Variants in RBM15 observed in about 807,000 individuals in gnomAD.
RBM15 encodes RNA binding motif protein 15.
A neutral mutation model predicts 62.6 loss-of-function variants in RBM15; 8 were observed. The ratio of observed to expected loss-of-function variants is 0.13; its 90% CI spans 0.07 to 0.23. The LOEUF is 0.23. Among genes scored for constraint, RBM15 ranks in the 10% least tolerant of loss-of-function variants. The pLI is 1.00. For missense variants in RBM15, 1,144 were observed against 1,286.5 expected (o/e 0.89, Z 1.69); for synonymous variants, 606 against 505.7 (o/e 1.20, Z -2.66).
In RBM15 at chr1:110,339,984, G is replaced by A. The variant is rs1660756689; in HGVS notation, c.579G>A (p.Glu193=). 3 of 1,614,090 alleles carry A rather than the reference G, an allele frequency of 1.9e-6. No individual in the cohort carries two copies. In the South Asian group the frequency reaches 3.3e-5, roughly 18 times the overall value. The stretch of plus-strand genomic sequence containing the variant: ...CGGTGGAGGACGGCCTGTTTCATGA[G>A]TTCAAACGCTTCGGTGATGTAAGTG... ...DEAVEDGLFH[E]FKRFGDVSVK... Residue 193 remains glutamate (E), a synonymous_variant, in exon 1 of 3, where the codon GAG becomes GAA. Transcript: ENST00000369784.
In RBM15 at chr1:110,341,414, C is replaced by T; in HGVS notation, c.2009C>T (p.Ser670Phe). ...CCACGAAAACGTCACTGCGCTCCTT[C>T]TCCTGACCGCAGTCCAGAATTGAGC... ...DRPRKRHCAP[S>F]PDRSPELSSS... Residue 670 changes from serine (S) to phenylalanine (F), a missense_variant, in exon 1 of 3, where the codon TCT (serine) becomes TTT (phenylalanine). Physicochemically the swap from Ser to Phe is radical, Grantham distance 155. This residue lies in a region of RBM15 where 360 missense variants were observed against 342.9 expected (regional missense o/e 1.05). Transcript: ENST00000369784. The surrounding 1 kb of genome is among the most constrained non-coding windows in gnomAD (Gnocchi z 4.5). The T allele has an allele frequency of 6.2e-7, 1 of 1,614,136 alleles. No individual in the cohort carries two copies. The highest frequency in any genetic ancestry group is 8.5e-7 in the Non-Finnish European group (1 of 1,179,984).
intron 1 of RBM15, among the ~76,000 whole-genome samples, chr1:110,345,118 T>G (rs1484729327): frequency 1.3e-5 from 2 of 152,174 alleles, no homozygotes; most frequent in Non-Finnish European, 1.5e-5. Flanking sequence ...CTTTTGAGGA[T>G]TACATCTTAA....
chr1:110,342,690 A>T, intron 1 of RBM15: 1 of 171,980 alleles, frequency 5.8e-6, no homozygotes, highest in Non-Finnish European at 1.2e-5. Context: ...CCACCTAAAA[A>T]TGACTCGATT....
At position 110,340,764 on chromosome 1, in the gene RBM15, C is replaced by T; in HGVS notation, c.1359C>T (p.Pro453=). The T allele has an allele frequency of 1.2e-6, 2 of 1,614,144 alleles. No individual in the cohort carries two copies. Among genetic ancestry groups the T allele is most frequent in the Non-Finnish European group, 1.7e-6 (2 of 1,180,034 alleles). Reference sequence around the variant, plus strand: ...AAATTGGTTATGGTAAAGCTACACCCACCACCCGCCTCTGGGTGGGAGGCC... The same window carrying T: ...AAATTGGTTATGGTAAAGCTACACCTACCACCCGCCTCTGGGTGGGAGGCC... ...PIKIGYGKAT[P]TTRLWVGGLG... Residue 453 remains proline, a synonymous_variant, in exon 1 of 3, where the codon CCC becomes CCT. Coordinates refer to ENST00000369784, the MANE Select transcript of RBM15 (RefSeq NM_022768.5). This position sits in a 1 kb window ranked among gnomAD's most constrained non-coding sequence, Gnocchi z 5.8.
At position 110,342,282 on chromosome 1, in the gene RBM15, T is replaced by C; in HGVS notation, c.2863+14T>C. The C allele has an allele frequency of 6.5e-7, 1 of 1,540,760 alleles. No homozygotes were observed. Among genetic ancestry groups the C allele is most frequent in the Non-Finnish European group, 8.8e-7 (1 of 1,142,082 alleles). ...TCATTGTCCGTGGTGCGTCCTAAAG[T>C]CCATGTGTAACTTGTATTTACTACT... On this transcript the variant is annotated intron_variant, in intron 1 of 2. Transcript: ENST00000369784.
Position 110,340,617 on chromosome 1 carries a change from T to TA in RBM15, c.1213dup (p.Ile405AsnfsTer10), listed in dbSNP as rs1284951863. The TA allele has an allele frequency of 6.2e-7, 1 of 1,614,200 alleles. No homozygotes were observed. The highest frequency in any genetic ancestry group is 8.5e-7 in the Non-Finnish European group (1 of 1,180,016). On this transcript the variant is annotated frameshift_variant, in exon 1 of 3. Coordinates refer to ENST00000369784, the MANE Select transcript of RBM15 (RefSeq NM_022768.5). LOFTEE classifies it high-confidence loss of function. The surrounding 1 kb of genome is among the most constrained non-coding windows in gnomAD (Gnocchi z 5.8). ...GCTTTGGAGTCATCACAGAAGTAGA[T>TA]ATCAAGAGGCCTTCTCGCGGCCAGA...
chr1:110,343,986 G>A (rs940853156), intron 1 of RBM15, among the ~76,000 whole-genome samples: 2 of 152,150 alleles, frequency 1.3e-5, no homozygotes, highest in African/African-American at 4.8e-5. Context: ...AAGTTTGCAG[G>A]TTTTGTGGGG....
chr1:110,340,395 A>C lies in RBM15; in HGVS notation c.990A>C (p.Glu330Asp), dbSNP rs763275756. Reference sequence around the variant, plus strand: ...CATTGCCTCGAGACCTGGAGAGAGAAAGAGACTACCCGTTCTATGAGAGAG... The same window carrying C: ...CATTGCCTCGAGACCTGGAGAGAGACAGAGACTACCCGTTCTATGAGAGAG... ...PPPLPRDLERERDYPFYERVR... is the reference protein window; with the variant it reads ...PPPLPRDLERDRDYPFYERVR... The change falls in exon 1 of 3, where the codon GAA becomes GAC. Residue 330 changes from glutamate (E) to aspartate (D), a missense_variant. Coordinates refer to ENST00000369784, the MANE Select transcript of RBM15 (RefSeq NM_022768.5). This position sits in a 1 kb window ranked among gnomAD's most constrained non-coding sequence, Gnocchi z 5.8. 6.6e-5 allele frequency: 106 copies of C among 1,614,026 alleles called. No individual in the cohort carries two copies. The Middle Eastern group carries it at 9.9e-4, about 15-fold the overall frequency.
chr1:110,339,630 G>A lies in RBM15; in HGVS notation c.225G>A (p.Gly75=), dbSNP rs561084556. Residue 75 remains glycine (G), a synonymous_variant, in exon 1 of 3, where the codon GGG becomes GGA. Coordinates refer to ENST00000369784, the MANE Select transcript of RBM15 (RefSeq NM_022768.5). ...GCGGTGAGCGGAGCAAGAAGTTAGGGGGCTCTGGTGGCAGCAATGGGAGCA... is the reference window on the plus strand; with the variant it reads ...GCGGTGAGCGGAGCAAGAAGTTAGGAGGCTCTGGTGGCAGCAATGGGAGCA... ...TSRGERSKKL[G]GSGGSNGSSS... is the part of the protein sequence containing the mutation. 4 of 1,613,278 alleles carry A rather than the reference G, an allele frequency of 2.5e-6. No individual in the cohort carries two copies. In the South Asian group the frequency reaches 3.3e-5, roughly 13 times the overall value.
In RBM15 at chr1:110,341,724, G is replaced by A. The variant is rs187367667; in HGVS notation, c.2319G>A (p.Gly773=). ...LKSPSQKQDG[G]TAPVASASPK... ...CCCCGTCCCAGAAACAGGATGGGGGGACAGCCCCTGTGGCATCAGCCTCTC... is the reference window on the plus strand; with the variant it reads ...CCCCGTCCCAGAAACAGGATGGGGGAACAGCCCCTGTGGCATCAGCCTCTC... Residue 773 remains glycine (G), a synonymous_variant, in exon 1 of 3, where the codon GGG becomes GGA. Coordinates refer to ENST00000369784, the MANE Select transcript of RBM15 (RefSeq NM_022768.5). The surrounding 1 kb of genome is among the most constrained non-coding windows in gnomAD (Gnocchi z 4.5). 792 of 1,614,192 alleles carry A rather than the reference G, an allele frequency of 4.9e-4. 1 individual carries two copies. The highest frequency in any genetic ancestry group is 3.8e-4 in the South Asian group (35 of 91,088).
At position 110,346,489 on chromosome 1, in the gene RBM15, C is replaced by T; in HGVS notation, c.*222C>T. 1.3e-6 allele frequency: 1 copy of T among 796,724 alleles called. No homozygotes were observed. The highest frequency in any genetic ancestry group is 2.1e-6 in the Non-Finnish European group (1 of 480,284). The allele number at this position is 796,724 out of a possible 1,614,324, so 49.4% of individuals were successfully genotyped here. The stretch of plus-strand genomic sequence containing the variant: ...AGTTGTGTATCTGCTATTGTGATGC[C>T]AATGCCGGTGTTTTAAGTGGAAAAA... On this transcript the variant is annotated 3_prime_UTR_variant, in exon 3 of 3. Transcript: ENST00000369784.
intron 1 of RBM15, among the ~76,000 whole-genome samples, chr1:110,343,459 TTG>T (rs886509355): frequency 4.6e-5 from 7 of 152,176 alleles, no homozygotes; most frequent in Non-Finnish European, 1.0e-4. Context: ...CCTTTTTTAA[TTG>T]TTTTATTTTC....
At position 110,340,812 on chromosome 1, in the gene RBM15, T is replaced by C; in HGVS notation, c.1407T>C (p.Ala469=). ...VGGLGPWVPL[A]ALAREFDRFG... is the part of the protein sequence containing the mutation. ...GCCTGGGACCTTGGGTTCCTCTTGCTGCCCTGGCACGAGAATTTGATCGAT... is the reference window on the plus strand; with the variant it reads ...GCCTGGGACCTTGGGTTCCTCTTGCCGCCCTGGCACGAGAATTTGATCGAT... Residue 469 remains alanine, a synonymous_variant, in exon 1 of 3, where the codon GCT becomes GCC. Coordinates refer to ENST00000369784, the MANE Select transcript of RBM15 (RefSeq NM_022768.5). The surrounding 1 kb of genome is among the most constrained non-coding windows in gnomAD (Gnocchi z 5.8). 1.2e-6 allele frequency: 2 copies of C among 1,614,220 alleles called. No individual in the cohort carries two copies. The highest frequency in any genetic ancestry group is 1.7e-6 in the Non-Finnish European group (2 of 1,180,036).
intron 2 of RBM15, 21 bp from the exon 3 acceptor site, chr1:110,346,287 T>C (rs1660895770): frequency 1.9e-6 from 3 of 1,596,748 alleles, no homozygotes; most frequent in Non-Finnish European, 2.5e-6. Flanking sequence ...TGAATAACCT[T>C]TTTTTCCCCC....
rs749458566 is a variant in RBM15, at chr1:110,345,569, A to G, written c.2894A>G (p.Glu965Gly). Residue 965 changes from glutamate (E) to glycine (G), a missense_variant, in exon 2 of 3, where the codon GAG becomes GGG. Physicochemically the swap from Glu to Gly is moderately conservative, Grantham distance 98. Coordinates refer to ENST00000369784, the MANE Select transcript of RBM15 (RefSeq NM_022768.5). ...GFGFQIGVRY[E>G]NKKRENLALT... is the part of the protein sequence containing the mutation. ...GGTTTTCAGATAGGAGTTAGGTATG[A>G]GAACAAGAAGAGAGAAAACTTGGCG... 6.2e-7 allele frequency: 1 copy of G among 1,612,054 alleles called. No individual in the cohort carries two copies. The highest frequency in any genetic ancestry group is 1.1e-5 in the South Asian group (1 of 90,724).
At position 110,340,603 on chromosome 1, in the gene RBM15, A is replaced by G; in HGVS notation, c.1198A>G (p.Ile400Val). ...AAGGGCGTTTGATCGCTTTGGAGTCATCACAGAAGTAGATATCAAGAGGCC... is the reference window on the plus strand; with the variant it reads ...AAGGGCGTTTGATCGCTTTGGAGTCGTCACAGAAGTAGATATCAAGAGGCC... The part of the protein sequence containing the change: ...LRRAFDRFGV[I>V]TEVDIKRPSR... Residue 400 changes from isoleucine (I) to valine (V), a missense_variant, in exon 1 of 3, where the codon ATC (isoleucine) becomes GTC (valine). By Grantham distance (29) the Ile-to-Val change is conservative. Transcript: ENST00000369784. This position sits in a 1 kb window ranked among gnomAD's most constrained non-coding sequence, Gnocchi z 5.8. The G allele has an allele frequency of 1.9e-6, 3 of 1,614,232 alleles. No homozygotes were observed. Among genetic ancestry groups the G allele is most frequent in the Non-Finnish European group, 2.5e-6 (3 of 1,180,034 alleles).
At chr1:110,344,803 TTCTA>T (rs1026816068) in intron 1 of RBM15, among the ~76,000 whole-genome samples, 4 of 152,336 alleles carry the variant, frequency 2.6e-5, no homozygotes, top group East Asian at 1.9e-4. Flanking sequence ...ACCAATTTTT[TTCTA>T]TCTTTCTTCT....
At position 110,339,759 on chromosome 1, in the gene RBM15, C is replaced by T. The variant is rs769935367; in HGVS notation, c.354C>T (p.Ser118=). 1.5e-5 allele frequency: 24 copies of T among 1,610,562 alleles called. No homozygotes were observed. The highest frequency in any genetic ancestry group is 2.0e-5 in the Non-Finnish European group (24 of 1,178,222). Residue 118 remains serine, a synonymous_variant, in exon 1 of 3, where the codon AGC becomes AGT. Coordinates refer to ENST00000369784, the MANE Select transcript of RBM15 (RefSeq NM_022768.5). ...GCGAGTATGATACCGGTGGGGGCAG[C>T]TCCAGTAGCCGCTTGCATAGTTATA... ...GSREYDTGGG[S]SSSRLHSYSS...
At chr1:110,344,673 A>G (rs534689158) in intron 1 of RBM15, among the ~76,000 whole-genome samples, 1 of 152,340 alleles carries the variant, frequency 6.6e-6, no homozygotes, top group East Asian at 1.9e-4. Context: ...GCAGGTTCAT[A>G]ATATCCATAA....
Sources: allele counts gnomAD v4.1 joint callset (sites outside exome capture counted in the v4.1 genomes callset), GRCh38; gene constraint gnomAD v4.1.1; regional missense constraint gnomAD v4.1.1; non-coding constraint Gnocchi (gnomAD v3.1); transcripts MANE v1.5; gene names NCBI Gene and HGNC (gene_info 2026-07-23, HGNC 2026-07-21).